The following CHAF1A variants were observed in gnomAD, a reference collection of about 807,000 sequenced individuals.
CHAF1A encodes the protein chromatin assembly factor 1 subunit A.
Under a neutral mutation model 93.2 loss-of-function variants are expected in CHAF1A, and 5 were observed. The ratio of observed to expected loss-of-function variants is 0.05; its 90% CI spans 0.03 to 0.11. The LOEUF is 0.11. CHAF1A is among the 10% of genes least tolerant of loss of function. The probability of loss-of-function intolerance (pLI) is 1.00; values close to 1 mark genes in which losing one functional copy is unlikely to be tolerated. For missense variants in CHAF1A, 1,102 were observed against 1,259.9 expected (o/e 0.87, Z 1.90); for synonymous variants, 504 against 510.3 (o/e 0.99, Z 0.17).
At chr19:4,419,835 A>G (rs1973959267) in intron 4 of CHAF1A, among the ~76,000 whole-genome samples, 1 of 152,220 alleles carries the variant, frequency 6.6e-6, no homozygotes, top group Non-Finnish European at 1.5e-5. Context: ...CGGAGAAAGT[A>G]TCCAACGGCG....
intron 4 of CHAF1A, among the ~76,000 whole-genome samples, chr19:4,420,647 G>T (rs967594119): frequency 6.6e-6 from 1 of 152,170 alleles, no homozygotes; most frequent in South Asian, 2.1e-4. Flanking sequence ...CTTCCTTAAA[G>T]AATTTGAAAC....
chr19:4,407,748 G>A (rs1375200391), intron 2 of CHAF1A, among the ~76,000 whole-genome samples: 2 of 151,920 alleles, frequency 1.3e-5, no homozygotes, highest in African/African-American at 4.8e-5. Context: ...AGGAGTTTGA[G>A]ACCAGCCTGG....
rs1278125040 is a variant in CHAF1A, at chr19:4,408,982, G to T, written c.183G>T (p.Val61=). ...DDMSDDQGTS[V]QSKSPDLEAS... is the part of the protein sequence containing the mutation. ...TGTCAGACGATCAGGGTACTTCTGTGCAAAGTAAAAGCCCCGATTTAGAGG... is the reference window on the plus strand; with the variant it reads ...TGTCAGACGATCAGGGTACTTCTGTTCAAAGTAAAAGCCCCGATTTAGAGG... The change falls in exon 3 of 15, where the codon GTG becomes GTT. Residue 61 remains valine, a synonymous_variant. Coordinates refer to ENST00000301280, the MANE Select transcript of CHAF1A (RefSeq NM_005483.3). 2 of 1,614,196 alleles carry T rather than the reference G, an allele frequency of 1.2e-6. No homozygotes were observed. Among genetic ancestry groups the T allele is most frequent in the East Asian group, 4.5e-5 (2 of 44,886 alleles).
chr19:4,408,040 C>T (rs1257280872), intron 2 of CHAF1A, among the ~76,000 whole-genome samples: 4 of 151,264 alleles, frequency 2.6e-5, no homozygotes. Context: ...AGACGAGGTC[C>T]CTTTTGCCCA....
In CHAF1A at chr19:4,421,030, T is replaced by C. The variant is rs757808694; in HGVS notation, c.1018-1536T>C. 6.6e-5 allele frequency among the ~76,000 whole-genome samples: 10 copies of C among 152,242 alleles called. No homozygotes were observed. In the South Asian group the frequency reaches 2.1e-3, roughly 32 times the overall value. On this transcript the variant is annotated intron_variant, in intron 4 of 14. Transcript: ENST00000301280. ...GTGAGCCAAGATAGCATTGCTGCAC[T>C]CCCTCCAGCCTGGGCACTAGAATGA...
chr19:4,412,762 G>A (rs906411859), intron 3 of CHAF1A, among the ~76,000 whole-genome samples: 2 of 152,220 alleles, frequency 1.3e-5, no homozygotes, highest in African/African-American at 4.8e-5. Context: ...CAGACTCGAG[G>A]TTTTGGGATG....
In CHAF1A at chr19:4,443,051, C is replaced by A; in HGVS notation, c.*26C>A. ...GAGCAGGGGTGACGTATGTAGAATG[C>A]TTAGGGTGTCCTCCCCACAGAGCAG... On this transcript the variant is annotated 3_prime_UTR_variant, in exon 15 of 15. Transcript: ENST00000301280. The A allele has an allele frequency of 7.2e-7, 1 of 1,380,056 alleles. No homozygotes were observed. Among genetic ancestry groups the A allele is most frequent in the Non-Finnish European group, 1.0e-6 (1 of 987,342 alleles). The allele number at this position is 1,380,056 out of a possible 1,614,324, so 85.5% of individuals were successfully genotyped here.
chr19:4,424,853 T>TTGAACTCC (rs1974052600), intron 7 of CHAF1A, among the ~76,000 whole-genome samples: 1 of 152,240 alleles, frequency 6.6e-6, no homozygotes, highest in African/African-American at 2.4e-5. Flanking sequence ...TAGGCTGGTC[T>TTGAACTCC]TGAACTCCTG....
chr19:4,432,689 G>C (rs866028130), intron 12 of CHAF1A, among the ~76,000 whole-genome samples: 2 of 150,564 alleles, frequency 1.3e-5, no homozygotes, highest in Admixed American at 6.7e-5. Context: ...GAGCCTAGGA[G>C]TTTCAGACCA....
rs1164646448 is a variant in CHAF1A, at chr19:4,418,209, C to T, written c.1017+133C>T. ...GCCTTCTCTGACCATCATTTTGATT[C>T]CTGCTTCATTTTAAGTACTTGGACT... On this transcript the variant is annotated intron_variant, in intron 4 of 14. Coordinates refer to ENST00000301280, the MANE Select transcript of CHAF1A (RefSeq NM_005483.3). 5.1e-6 allele frequency: 3 copies of T among 589,952 alleles called. No homozygotes were observed. In the East Asian group the frequency reaches 9.0e-5, roughly 18 times the overall value. 36.5% of individuals were successfully genotyped at this position (589,952 alleles called of 1,614,324 possible).
At chr19:4,445,253 G>A (rs558865532), downstream of CHAF1A, 5 of 532,696 alleles carry the variant, frequency 9.4e-6, no homozygotes, top group African/African-American at 1.9e-5. Context: ...AGCTAGGGAG[G>A]GCTTAGATTT....
At position 4,422,328 on chromosome 19, in the gene CHAF1A, T is replaced by C. The variant is rs898460364; in HGVS notation, c.1018-238T>C. Among the ~76,000 whole-genome samples the C allele has an allele frequency of 2.6e-5, 4 of 151,456 alleles. No homozygotes were observed. Among genetic ancestry groups the C allele is most frequent in the African/African-American group, 9.8e-5 (4 of 40,938 alleles). ...CGCGCGCAGCCAATTTTTGTATTTT[T>C]AGTAGAGACAGGGTTTCACCCTGTT... On this transcript the variant is annotated intron_variant, in intron 4 of 14. Coordinates refer to ENST00000301280, the MANE Select transcript of CHAF1A (RefSeq NM_005483.3). The surrounding 1 kb of genome is among the most constrained non-coding windows in gnomAD (Gnocchi z 4.6).
chr19:4,442,964 G>T lies in CHAF1A; in HGVS notation c.2810G>T (p.Gly937Val), dbSNP rs371039380. 6.9e-6 allele frequency: 11 copies of T among 1,604,922 alleles called. No homozygotes were observed. The highest frequency in any genetic ancestry group is 9.3e-6 in the Non-Finnish European group (11 of 1,176,550). Reference sequence around the variant, plus strand: ...TGTGGAGCCGCTTCCGGAGCTGGGGGTGGTGTGGGGGTGGACACCGGCAAG... The same window carrying T: ...TGTGGAGCCGCTTCCGGAGCTGGGGTTGGTGTGGGGGTGGACACCGGCAAG... Reference protein sequence around the residue: ...APCGAASGAGGGVGVDTGKAT... With the variant: ...APCGAASGAGVGVGVDTGKAT... Residue 937 changes from glycine (G) to valine (V), a missense_variant, in exon 15 of 15, where the codon GGT becomes GTT. Gly to Val is a moderately radical substitution (Grantham distance 109). This residue lies in a region of CHAF1A where 119 missense variants were observed against 102.2 expected (regional missense o/e 1.16). Transcript: ENST00000301280.
chr19:4,429,412 C>T, intron 8 of CHAF1A, 26 bp from the exon 9 acceptor site: 2 of 1,610,560 alleles, frequency 1.2e-6, no homozygotes, highest in East Asian at 2.2e-5. Context: ...GCAGCGTGAT[C>T]CTGAGCCTGG....
downstream of CHAF1A, chr19:4,448,252 C>A: frequency 7.1e-7 from 1 of 1,414,628 alleles, no homozygotes; most frequent in South Asian, 1.2e-5. Flanking sequence ...GGGGTGACAG[C>A]CCCAGTGGGA....
chr19:4,435,937 G>A (rs1974275394), intron 13 of CHAF1A, among the ~76,000 whole-genome samples: 1 of 152,156 alleles, frequency 6.6e-6, no homozygotes, highest in South Asian at 2.1e-4. Flanking sequence ...TCAGGAGTTC[G>A]AGACCATCCT....
At chr19:4,446,528 C>G, downstream of CHAF1A, 1 of 1,611,672 alleles carries the variant, frequency 6.2e-7, no homozygotes, top group Non-Finnish European at 8.5e-7. Flanking sequence ...TTGATCTCCT[C>G]TGCTGTGAGG....
chr19:4,430,737 CCCAA>C, intron 11 of CHAF1A, 96 bp downstream of exon 11: 1 of 1,279,554 alleles, frequency 7.8e-7, no homozygotes. Context: ...GGGGTCCCAG[CCCAA>C]CCATACGAGA....
At chr19:4,428,632 G>A (rs747113250) in intron 7 of CHAF1A, 32 bp from the exon 8 acceptor site, 12 of 1,583,426 alleles carry the variant, frequency 7.6e-6, no homozygotes, top group Non-Finnish European at 1.0e-5. Flanking sequence ...CCCATTGCTC[G>A]AAGACCCCAT....
Sources: allele counts gnomAD v4.1 joint callset (sites outside exome capture counted in the v4.1 genomes callset), GRCh38; gene constraint gnomAD v4.1.1; regional missense constraint gnomAD v4.1.1; non-coding constraint Gnocchi (gnomAD v3.1); transcripts MANE v1.5; gene names NCBI Gene and HGNC (gene_info 2026-07-23, HGNC 2026-07-21).